IKZF2: variants seen among roughly 807,000 people sequenced by gnomAD.
IKZF2 encodes IKAROS family zinc finger 2.
Under a neutral mutation model 49.2 loss-of-function variants are expected in IKZF2, and 15 were observed. That is an observed-to-expected ratio of 0.30 (90% CI 0.20 to 0.47). The LOEUF (loss-of-function observed/expected upper bound fraction) is 0.47. IKZF2 is among the 20% of genes least tolerant of loss of function. IKZF2 has a pLI of 1.00. For missense variants in IKZF2, 567 were observed against 664.6 expected, an observed-to-expected ratio of 0.85 and a Z score of 1.61; for synonymous variants, 227 against 221.4, an observed-to-expected ratio of 1.03 and a Z score of -0.23.
chr2:213,141,690 G>A (rs749985204), intron 4 of IKZF2, among the ~76,000 whole-genome samples: 20 of 151,554 alleles, frequency 1.3e-4, no homozygotes, highest in Non-Finnish European at 2.5e-4. Flanking sequence ...CTCATCCCCC[G>A]TAATAATCAA....
chr2:213,036,891 T>C (rs1439919891), intron 6 of IKZF2, among the ~76,000 whole-genome samples: 2 of 151,766 alleles, frequency 1.3e-5, no homozygotes, highest in Non-Finnish European at 2.9e-5. Flanking sequence ...GTAGGAAAAA[T>C]TGAAAGAAAT....
At chr2:213,112,972 A>C (rs2059763134) in intron 4 of IKZF2, among the ~76,000 whole-genome samples, 1 of 152,188 alleles carries the variant, frequency 6.6e-6, no homozygotes, top group Non-Finnish European at 1.5e-5. Context: ...TTGATCCTAC[A>C]GTTGCTAAAA....
chr2:213,106,818 C>T (rs570400740), intron 4 of IKZF2, among the ~76,000 whole-genome samples: 16 of 152,116 alleles, frequency 1.1e-4, no homozygotes, highest in African/African-American at 2.2e-4. Context: ...ATGATGAACA[C>T]ATTAAGTAAT....
chr2:213,133,781 G>A (rs1574961494), intron 4 of IKZF2, among the ~76,000 whole-genome samples: 1 of 151,808 alleles, frequency 6.6e-6, no homozygotes, highest in African/African-American at 2.4e-5. Context: ...ATCAAAAAGA[G>A]TAGATTACTC....
At position 213,007,219 on chromosome 2, in the gene IKZF2, C is replaced by T; in HGVS notation, c.*141G>A. ...GGCAGAGCAAATGACACTGCCTCCA[C>T]AAAATAAGAATTATCAACAGTAATA... On this transcript the variant is annotated 3_prime_UTR_variant, in exon 9 of 9. Transcript: ENST00000434687. The T allele has an allele frequency of 1.1e-6, 1 of 934,248 alleles. No individual in the cohort carries two copies. The highest frequency in any genetic ancestry group is 1.6e-6 in the Non-Finnish European group (1 of 643,674). The allele number at this position is 934,248 out of a possible 1,614,324, so 57.9% of individuals were successfully genotyped here.
At chr2:213,065,891 A>G (rs763295498) in intron 4 of IKZF2, among the ~76,000 whole-genome samples, 3 of 152,098 alleles carry the variant, frequency 2.0e-5, no homozygotes, top group Non-Finnish European at 4.4e-5. Flanking sequence ...ACAATCTGAT[A>G]TGTTTTTTAC....
intron 4 of IKZF2, among the ~76,000 whole-genome samples, chr2:213,130,065 C>G (rs2371795): frequency 0.44 from 66,701 of 151,968 alleles, 18,100 homozygotes; most frequent in East Asian, 0.91. Flanking sequence ...TAATTGGCAG[C>G]TATTGATTGT....
intron 4 of IKZF2, among the ~76,000 whole-genome samples, chr2:213,143,969 C>T (rs2060959875): frequency 6.6e-6 from 1 of 151,896 alleles, no homozygotes; most frequent in Admixed American, 6.6e-5. Flanking sequence ...ATGTCCCAAT[C>T]CTGATAACTT....
intron 4 of IKZF2, among the ~76,000 whole-genome samples, chr2:213,060,331 T>C (rs765369286): frequency 1.3e-5 from 2 of 151,376 alleles, no homozygotes; most frequent in African/African-American, 2.4e-5. Context: ...TATATATATA[T>C]AAGACTTTTG....
chr2:213,066,849 T>C (rs1702211596), intron 4 of IKZF2, among the ~76,000 whole-genome samples: 1 of 152,088 alleles, frequency 6.6e-6, no homozygotes, highest in South Asian at 2.1e-4. Context: ...ATTTAAATCA[T>C]GGAAATACCA....
At chr2:213,064,300 T>G (rs1204291398) in intron 4 of IKZF2, among the ~76,000 whole-genome samples, 1 of 152,054 alleles carries the variant, frequency 6.6e-6, no homozygotes, top group Non-Finnish European at 1.5e-5. Context: ...GACAGTCTTG[T>G]GTCAATTATT....
At chr2:213,148,459 T>C (rs778094919) in intron 3 of IKZF2, 137 bp downstream of exon 3, 5 of 628,504 alleles carry the variant, frequency 8.0e-6, no homozygotes, top group Non-Finnish European at 1.4e-5. Context: ...CTCAAACTCA[T>C]TCAAAGGTGA....
chr2:213,150,948 C>T (rs2061265317), intron 1 of IKZF2, among the ~76,000 whole-genome samples: 1 of 148,418 alleles, frequency 6.7e-6, no homozygotes, highest in South Asian at 2.1e-4. Context: ...ATATTACCTT[C>T]TATCTGGACA....
chr2:213,117,226 C>T (rs373490109), intron 4 of IKZF2, among the ~76,000 whole-genome samples: 3 of 152,278 alleles, frequency 2.0e-5, no homozygotes, highest in Admixed American at 6.5e-5. Flanking sequence ...ACAAGCCTTA[C>T]GAGATACTGC....
At chr2:213,082,109 AG>A (rs1704016371) in intron 4 of IKZF2, among the ~76,000 whole-genome samples, 1 of 152,228 alleles carries the variant, frequency 6.6e-6, no homozygotes, top group Non-Finnish European at 1.5e-5. Context: ...TGAAATATCT[AG>A]GATTTTGATA....
At chr2:213,051,419 A>C (rs541810307) in intron 5 of IKZF2, among the ~76,000 whole-genome samples, 3 of 151,944 alleles carry the variant, frequency 2.0e-5, no homozygotes, top group African/African-American at 4.8e-5. Context: ...AGCTACATGT[A>C]CAAGAGGTCC....
chr2:213,077,951 T>C (rs1032644422), intron 4 of IKZF2, among the ~76,000 whole-genome samples: 9 of 152,278 alleles, frequency 5.9e-5, no homozygotes, highest in Admixed American at 4.6e-4. Context: ...ATTCTATCTA[T>C]ATTTCTCTCT....
At chr2:213,021,087 C>T (rs901031100) in intron 7 of IKZF2, among the ~76,000 whole-genome samples, 2 of 152,098 alleles carry the variant, frequency 1.3e-5, no homozygotes, top group Non-Finnish European at 2.9e-5. Flanking sequence ...GTGGTACATG[C>T]CTGTAATCCC....
intron 6 of IKZF2, among the ~76,000 whole-genome samples, chr2:213,046,207 A>C (rs933694342): frequency 2.6e-5 from 4 of 152,194 alleles, no homozygotes; most frequent in Non-Finnish European, 2.9e-5. Context: ...ATCATGAACT[A>C]GGTGTTATCT....
Sources: allele counts gnomAD v4.1 joint callset (sites outside exome capture counted in the v4.1 genomes callset), GRCh38; gene constraint gnomAD v4.1.1; transcripts MANE v1.5; gene names NCBI Gene and HGNC (gene_info 2026-07-23, HGNC 2026-07-21).